DCC: variants seen among roughly 807,000 people sequenced by gnomAD.
DCC encodes the protein DCC netrin 1 receptor.
In DCC, 58 loss-of-function variants were observed where a neutral mutation model predicts 172.5. The ratio of observed to expected loss-of-function variants is 0.34; its 90% confidence interval spans 0.27 to 0.42. DCC has a LOEUF of 0.42. Among genes scored for constraint, DCC ranks in the 10% least tolerant of loss-of-function variants. The pLI is 1.00. For missense variants in DCC, 1,740 were observed against 1,791.0 expected (o/e 0.97, Z 0.51); for synonymous variants, 709 against 644.5 (o/e 1.10, Z -1.52).
chr18:53,075,505 A>T (rs908573552), intron 7 of DCC, among the ~76,000 whole-genome samples: 1 of 152,108 alleles, frequency 6.6e-6, no homozygotes, highest in Non-Finnish European at 1.5e-5. Flanking sequence ...TATTGATCAC[A>T]TCATACTTCA....
intron 22 of DCC, among the ~76,000 whole-genome samples, chr18:53,449,649 G>A (rs369612705): frequency 9.2e-5 from 14 of 152,202 alleles, no homozygotes; most frequent in South Asian, 6.2e-4. Flanking sequence ...AGCCTCTCTC[G>A]TTCTTGTCAC....
intron 1 of DCC, among the ~76,000 whole-genome samples, chr18:52,460,709 G>C (rs922326796): frequency 6.6e-6 from 1 of 152,034 alleles, no homozygotes; most frequent in African/African-American, 2.4e-5. Context: ...AATACTACAG[G>C]CAATTGCAAC....
intron 9 of DCC, among the ~76,000 whole-genome samples, chr18:53,180,292 C>T (rs527395132): frequency 6.6e-6 from 1 of 152,246 alleles, no homozygotes. Context: ...CGGAAGAGGG[C>T]TAAGTTGTGC....
At chr18:52,838,508 G>A (rs1171202713) in intron 2 of DCC, among the ~76,000 whole-genome samples, 1 of 152,084 alleles carries the variant, frequency 6.6e-6, no homozygotes, top group Admixed American at 6.5e-5. Flanking sequence ...GTGTGGTGGG[G>A]GAGGGGAAGA....
intron 1 of DCC, among the ~76,000 whole-genome samples, chr18:52,503,309 G>T (rs2031102416): frequency 6.6e-6 from 1 of 152,126 alleles, no homozygotes; most frequent in Non-Finnish European, 1.5e-5. Context: ...TGTGTTTTAT[G>T]CAAACTGGGA....
At chr18:52,833,861 G>A (rs926473812) in intron 2 of DCC, among the ~76,000 whole-genome samples, 10 of 152,198 alleles carry the variant, frequency 6.6e-5, no homozygotes, top group African/African-American at 9.6e-5. Flanking sequence ...ATAGTGGCTC[G>A]CTACATAGCC....
chr18:52,823,383 T>C (rs567497973), intron 2 of DCC, among the ~76,000 whole-genome samples: 1 of 152,332 alleles, frequency 6.6e-6, no homozygotes, highest in South Asian at 2.1e-4. Flanking sequence ...GGTGTTTTAC[T>C]TCATATGATG....
chr18:52,479,893 C>T (rs1295036026), intron 1 of DCC, among the ~76,000 whole-genome samples: 3 of 151,930 alleles, frequency 2.0e-5, no homozygotes, highest in African/African-American at 7.2e-5. Context: ...ACGACTTCTG[C>T]TCTCAGTTCC....
intron 1 of DCC, among the ~76,000 whole-genome samples, chr18:52,422,694 G>T (rs1320260868): frequency 6.6e-6 from 1 of 152,216 alleles, no homozygotes; most frequent in Non-Finnish European, 1.5e-5. Context: ...CAAGTGCTTT[G>T]TGAAGGTGGA....
At position 53,199,133 on chromosome 18, in the gene DCC, C is replaced by T. The variant is rs147682901; in HGVS notation, c.1574-6083C>T. On this transcript the variant is annotated intron_variant, in intron 9 of 28. Transcript: ENST00000442544. ...CTTTGTCACCCAGGCTGGAGTGCAG[C>T]GGCACAATCTTGCCTCAATATAACC... 5.7e-4 allele frequency among the ~76,000 whole-genome samples: 85 copies of T among 149,150 alleles called. 1 individual carries two copies. In the South Asian group the frequency reaches 0.012, roughly 22 times the overall value.
intron 19 of DCC, among the ~76,000 whole-genome samples, chr18:53,403,107 C>G (rs1023493314): frequency 2.1e-5 from 3 of 139,708 alleles, no homozygotes; most frequent in African/African-American, 7.8e-5. Flanking sequence ...CACACACACA[C>G]ACACACACAC....
chr18:52,394,611 T>C (rs36040706), intron 1 of DCC, among the ~76,000 whole-genome samples: 14,434 of 151,998 alleles, frequency 0.095, 881 homozygotes, highest in South Asian at 0.16. Flanking sequence ...CTGCTTCCAA[T>C]GTTTTTAAAA....
intron 2 of DCC, among the ~76,000 whole-genome samples, chr18:52,753,293 C>T (rs2037028291): frequency 6.6e-6 from 1 of 152,090 alleles, no homozygotes; most frequent in Non-Finnish European, 1.5e-5. Flanking sequence ...CATGTTTATT[C>T]TGTCATGGAT....
chr18:52,493,830 A>G lies in DCC; in HGVS notation c.91+152952A>G, dbSNP rs570707306. 6.6e-5 allele frequency among the ~76,000 whole-genome samples: 10 copies of G among 152,038 alleles called. No individual in the cohort carries two copies. In the South Asian group the frequency reaches 1.9e-3, roughly 28 times the overall value. ...AATCTGAGAATACTTTACTGCATTTACCCTTTTTTGTCCTCTGATATGTGT... is the reference window on the plus strand; with the variant it reads ...AATCTGAGAATACTTTACTGCATTTGCCCTTTTTTGTCCTCTGATATGTGT... On this transcript the variant is annotated intron_variant, in intron 1 of 28. Coordinates refer to ENST00000442544, the MANE Select transcript of DCC (RefSeq NM_005215.4).
At chr18:52,764,808 G>A (rs2037217797) in intron 2 of DCC, among the ~76,000 whole-genome samples, 1 of 152,074 alleles carries the variant, frequency 6.6e-6, no homozygotes, top group Non-Finnish European at 1.5e-5. Context: ...TGTCTCTTCT[G>A]CTGTCTGTAA....
At chr18:52,370,385 TA>T (rs1985063710) in intron 1 of DCC, among the ~76,000 whole-genome samples, 1 of 152,178 alleles carries the variant, frequency 6.6e-6, no homozygotes, top group Non-Finnish European at 1.5e-5. Context: ...CACCATGGAA[TA>T]AAAGGAACAA....
At chr18:52,648,298 G>A (rs976532041) in intron 1 of DCC, among the ~76,000 whole-genome samples, 1 of 152,124 alleles carries the variant, frequency 6.6e-6, no homozygotes, top group Admixed American at 6.5e-5. Flanking sequence ...TGCAAATCAG[G>A]GCTTCCCCTC....
intron 9 of DCC, among the ~76,000 whole-genome samples, chr18:53,194,156 G>T (rs920319646): frequency 6.6e-6 from 1 of 152,122 alleles, no homozygotes; most frequent in Admixed American, 6.5e-5. Context: ...AGAGAACTGA[G>T]ATTTTTGCAT....
rs184287773 is a variant in DCC at position 52,363,549 on chromosome 18, A to G, written c.91+22671A>G. ...CTCAGAAGGCTTTATCACTGGGGAT[A>G]TATGTCAGGCAAAGATGCAGTTCTC... On this transcript the variant is annotated intron_variant, in intron 1 of 28. Coordinates refer to ENST00000442544, the MANE Select transcript of DCC (RefSeq NM_005215.4). Among the ~76,000 whole-genome samples, 296 of 152,308 alleles carry G rather than the reference A, an allele frequency of 1.9e-3. 1 individual carries two copies. The highest frequency in any genetic ancestry group is 1.2e-3 in the Non-Finnish European group (83 of 68,028).
Sources: gnomAD v4.1 joint callset for allele counts (sites outside exome capture counted in the v4.1 genomes callset) on GRCh38, gnomAD v4.1.1 for gene constraint, MANE v1.5 for transcripts, NCBI Gene and HGNC (gene_info 2026-07-23, HGNC 2026-07-21) for gene names.